The following EBF2 variants were observed in gnomAD, a reference collection of about 807,000 sequenced individuals.
EBF2 encodes the protein EBF transcription factor 2.
In EBF2, 21 loss-of-function variants were observed where a neutral mutation model predicts 72.8. The observed-to-expected ratio is 0.29, with a 90% CI of 0.20 to 0.42. The LOEUF is 0.42. Among genes scored for constraint, EBF2 ranks in the 10% least tolerant of loss-of-function variants. EBF2 has a pLI of 1.00. For missense variants in EBF2, 637 were observed against 731.2 expected (o/e 0.87, Z 1.49); for synonymous variants, 299 against 274.2 (o/e 1.09, Z -0.89).
chr8:25,969,090 T>A (rs1187333160), intron 6 of EBF2, among the ~76,000 whole-genome samples: 1 of 152,186 alleles, frequency 6.6e-6, no homozygotes, highest in Admixed American at 6.5e-5. Flanking sequence ...TGGAGATTAA[T>A]GGTAATTGAT....
chr8:26,026,153 G>C (rs1380174734), intron 6 of EBF2, among the ~76,000 whole-genome samples: 1 of 152,150 alleles, frequency 6.6e-6, no homozygotes, highest in East Asian at 1.9e-4. Context: ...TTCCAACCTG[G>C]GCAACAGAGC....
chr8:25,930,619 C>A (rs752122091), intron 6 of EBF2, among the ~76,000 whole-genome samples: 1 of 152,188 alleles, frequency 6.6e-6, no homozygotes, highest in African/African-American at 2.4e-5. Flanking sequence ...AAAATCCACT[C>A]GGCTTGACAG....
At chr8:26,029,071 TC>T (rs2117253190) in intron 6 of EBF2, among the ~76,000 whole-genome samples, 1 of 152,328 alleles carries the variant, frequency 6.6e-6, no homozygotes, top group African/African-American at 2.4e-5. Flanking sequence ...GGGAAAAAAC[TC>T]CAACTCTGGG....
At chr8:25,985,295 A>T (rs1804431689) in intron 6 of EBF2, among the ~76,000 whole-genome samples, 1 of 152,188 alleles carries the variant, frequency 6.6e-6, no homozygotes, top group African/African-American at 2.4e-5. Flanking sequence ...TACATATAAA[A>T]TATACAGTGC....
At chr8:26,017,575 A>G (rs1274711539) in intron 6 of EBF2, among the ~76,000 whole-genome samples, 1 of 152,110 alleles carries the variant, frequency 6.6e-6, no homozygotes, top group African/African-American at 2.4e-5. Context: ...CCATGTGGGC[A>G]GCCAGCCCTC....
intron 6 of EBF2, among the ~76,000 whole-genome samples, chr8:26,003,107 G>A (rs1394484066): frequency 6.6e-6 from 1 of 152,156 alleles, no homozygotes; most frequent in Non-Finnish European, 1.5e-5. Flanking sequence ...TGGGTCACTT[G>A]TCCTCCAAGA....
intron 10 of EBF2, among the ~76,000 whole-genome samples, chr8:25,866,766 G>GA (rs1371607698): frequency 6.7e-6 from 1 of 150,050 alleles, no homozygotes; most frequent in Non-Finnish European, 1.5e-5. Context: ...CTAGTAGCTG[G>GA]AATTACAGGC....
intron 6 of EBF2, among the ~76,000 whole-genome samples, chr8:26,009,969 A>G (rs1025159927): frequency 6.6e-6 from 1 of 152,222 alleles, no homozygotes; most frequent in Admixed American, 6.5e-5. Context: ...TCGAACTCCT[A>G]TTAAGAAGGA....
At chr8:26,042,014 C>A (rs542515487) in intron 2 of EBF2, 81 bp downstream of exon 2, 1 of 1,545,938 alleles carries the variant, frequency 6.5e-7, no homozygotes, top group African/African-American at 1.4e-5. Flanking sequence ...AAAAGTGTCG[C>A]GAGAGTGACA....
chr8:25,883,551 A>C (rs1802637844), intron 10 of EBF2, among the ~76,000 whole-genome samples: 1 of 152,124 alleles, frequency 6.6e-6, no homozygotes, highest in African/African-American at 2.4e-5. Flanking sequence ...CTACCTTCAG[A>C]AATCCATATC....
intron 6 of EBF2, among the ~76,000 whole-genome samples, chr8:25,952,745 T>C (rs868536058): frequency 2.8e-4 from 42 of 152,236 alleles, no homozygotes; most frequent in African/African-American, 9.4e-4. Flanking sequence ...CACAGGGCTC[T>C]TTCTGCCAAC....
chr8:25,931,690 C>T (rs1468794708), intron 6 of EBF2, among the ~76,000 whole-genome samples: 1 of 152,036 alleles, frequency 6.6e-6, no homozygotes, highest in Non-Finnish European at 1.5e-5. Flanking sequence ...TATTTTTGTT[C>T]GCATTTCAGT....
intron 8 of EBF2, 75 bp from the exon 9 acceptor site, chr8:25,888,047 T>G: frequency 6.7e-7 from 1 of 1,493,298 alleles, no homozygotes; most frequent in Non-Finnish European, 9.0e-7. Flanking sequence ...CAGGCCCACA[T>G]TGGAAGAAGA....
chr8:25,922,115 G>A (rs1262015827), intron 6 of EBF2, among the ~76,000 whole-genome samples: 1 of 152,102 alleles, frequency 6.6e-6, no homozygotes, highest in Non-Finnish European at 1.5e-5. Context: ...AGATTCATGG[G>A]ACTCCCATAA....
At position 25,844,530 on chromosome 8, in the gene EBF2, C is replaced by G. The variant is rs1433890899; in HGVS notation, c.*79G>C. The G allele has an allele frequency of 2.6e-6, 4 of 1,559,632 alleles. No homozygotes were observed. The highest frequency in any genetic ancestry group is 3.5e-6 in the Non-Finnish European group (4 of 1,131,690). On this transcript the variant is annotated 3_prime_UTR_variant, in exon 16 of 16. Coordinates refer to ENST00000520164, the MANE Select transcript of EBF2 (RefSeq NM_022659.4). Reference sequence around the variant, plus strand: ...TTCATGTGGGGGCACCACTACACCCCCAAAAGAGCTCCTAGTGCTTTCTTC... The same window carrying G: ...TTCATGTGGGGGCACCACTACACCCGCAAAAGAGCTCCTAGTGCTTTCTTC...
chr8:25,940,798 T>C (rs1329654051), intron 6 of EBF2, among the ~76,000 whole-genome samples: 2 of 152,068 alleles, frequency 1.3e-5, no homozygotes, highest in Non-Finnish European at 2.9e-5. Context: ...AAGAATGATT[T>C]CATTCATTGC....
chr8:26,005,561 T>TATATATAGAGAGAGAG (rs375386709), intron 6 of EBF2, among the ~76,000 whole-genome samples: 906 of 63,856 alleles, frequency 0.014, 18 homozygotes, highest in South Asian at 0.039. Flanking sequence ...TATATATATA[T>TATATATAGAGAGAGAG]AGAGAGAGAG....
rs1802751394 is a variant in EBF2, at chr8:25,889,955, C to G, written c.634-86G>C. On this transcript the variant is annotated intron_variant, in intron 7 of 15. Transcript: ENST00000520164. ...GCAAATGCACCAAAATTCTGTTTTG[C>G]CACACTTCCATTTGGCAAAGGGGAG... 4.4e-6 allele frequency: 5 copies of G among 1,139,798 alleles called. No individual in the cohort carries two copies. The East Asian group carries it at 1.2e-4, about 27-fold the overall frequency. The allele number at this position is 1,139,798 out of a possible 1,614,324, so 70.6% of individuals were successfully genotyped here. A position where few individuals can be genotyped will look rare whatever the true frequency, so the allele number is the denominator to read the frequency against.
chr8:25,959,014 G>A (rs1803993273), intron 6 of EBF2, among the ~76,000 whole-genome samples: 1 of 152,220 alleles, frequency 6.6e-6, no homozygotes, highest in Non-Finnish European at 1.5e-5. Context: ...AACCTCATAA[G>A]GTTAGGCTGA....
Sources: gnomAD v4.1 joint callset for allele counts (sites outside exome capture counted in the v4.1 genomes callset) on GRCh38, gnomAD v4.1.1 for gene constraint, MANE v1.5 for transcripts, NCBI Gene and HGNC (gene_info 2026-07-23, HGNC 2026-07-21) for gene names.